WAC: variants seen among roughly 807,000 people sequenced by gnomAD.
WAC encodes the protein WW domain-containing adapter protein with coiled-coil.
In WAC, 11 loss-of-function variants were observed where a neutral mutation model predicts 79.6. The ratio of observed to expected loss-of-function variants is 0.14; its 90% CI spans 0.09 to 0.23. The LOEUF (loss-of-function observed/expected upper bound fraction) is 0.23. WAC is among the 10% of genes least tolerant of loss of function. The pLI is 1.00. For missense variants in WAC, 728 were observed against 773.5 expected (o/e 0.94, Z 0.70); for synonymous variants, 304 against 276.9 (o/e 1.10, Z -0.97).
In WAC at chr10:28,581,276, G is replaced by A. The variant is rs1223789038; in HGVS notation, c.275-2123G>A. The stretch of plus-strand genomic sequence containing the variant: ...TTTTTTTTTTTTTTTTTTTTAAGAC[G>A]GGTTCTCATTATATCACCCAGGCTG... On this transcript the variant is annotated intron_variant, in intron 3 of 13. Transcript: ENST00000354911. 2.7e-5 allele frequency among the ~76,000 whole-genome samples: 3 copies of A among 111,632 alleles called. 1 individual carries two copies. Among genetic ancestry groups the A allele is most frequent in the East Asian group, 2.7e-4 (1 of 3,768 alleles). The allele number at this position is 111,632 out of a possible 152,430, so 73.2% of individuals were successfully genotyped here. A position where few individuals can be genotyped will look rare whatever the true frequency, so the allele number is the denominator to read the frequency against.
intron 3 of WAC, among the ~76,000 whole-genome samples, chr10:28,570,413 C>T (rs532204701): frequency 6.6e-6 from 1 of 152,294 alleles, no homozygotes; most frequent in South Asian, 2.1e-4. Flanking sequence ...CTCCAGCCTT[C>T]GGCAGCTCAT....
chr10:28,541,652 A>G (rs920750613), intron 3 of WAC, among the ~76,000 whole-genome samples: 1 of 152,004 alleles, frequency 6.6e-6, no homozygotes, highest in African/African-American at 2.4e-5. Context: ...ACTCCACAGT[A>G]GCTCTTTGAA....
At chr10:28,604,859 A>AG (rs1200117228) in intron 7 of WAC, among the ~76,000 whole-genome samples, 1 of 152,212 alleles carries the variant, frequency 6.6e-6, no homozygotes, top group Non-Finnish European at 1.5e-5. Context: ...ACCAAAGGGG[A>AG]GGGGCACCCA....
rs920770166 is a variant in WAC at position 28,622,500 on chromosome 10, CAA to C, written c.*2895_*2896del. The C allele has an allele frequency of 5.2e-4, 69 of 133,570 alleles. No homozygotes were observed. The highest frequency in any genetic ancestry group is 1.8e-3 in the African/African-American group (63 of 34,950). 8.3% of individuals were successfully genotyped at this position (133,570 alleles called of 1,614,324 possible). A position where few individuals can be genotyped will look rare whatever the true frequency, so the allele number is the denominator to read the frequency against. ...CTTTTAAAATGTCGTGGTATTGTAA[CAA>C]TATATTTGATGAAAGAAGGTTACAG... On this transcript the variant is annotated 3_prime_UTR_variant, in exon 14 of 14. Transcript: ENST00000354911.
chr10:28,544,757 T>A (rs1837257768), intron 3 of WAC, among the ~76,000 whole-genome samples: 7 of 151,824 alleles, frequency 4.6e-5, no homozygotes, highest in Admixed American at 4.6e-4. Flanking sequence ...TGGGGATAGA[T>A]GTAAGGGTTA....
intron 3 of WAC, 95 bp downstream of exon 3, chr10:28,535,852 G>T: frequency 9.8e-7 from 1 of 1,025,384 alleles, no homozygotes; most frequent in Non-Finnish European, 1.4e-6. Context: ...AGAAGTTACT[G>T]TTCAGTTATG....
intron 7 of WAC, 128 bp from the exon 8 acceptor site, chr10:28,608,058 C>A: frequency 1.0e-6 from 1 of 965,092 alleles, no homozygotes; most frequent in Middle Eastern, 2.2e-4. Flanking sequence ...CTTCTGTGTG[C>A]TCCAGTGTGT....
intron 3 of WAC, among the ~76,000 whole-genome samples, chr10:28,548,619 TATTTTTTA>T (rs1250990847): frequency 6.6e-6 from 1 of 152,220 alleles, no homozygotes; most frequent in Non-Finnish European, 1.5e-5. Flanking sequence ...GAATTTGGGT[TATTTTTTA>T]GTTTTTTTCA....
rs541576313 is a variant in WAC at position 28,591,014 on chromosome 10, G to A, written c.610+182G>A. Reference sequence around the variant, plus strand: ...GTCCCTGAAAAGGGAAAAGATACACGGTCGAGTAGTACAGGTATGTGTTTC... The same window carrying A: ...GTCCCTGAAAAGGGAAAAGATACACAGTCGAGTAGTACAGGTATGTGTTTC... On this transcript the variant is annotated intron_variant, in intron 6 of 13. Transcript: ENST00000354911. 56 of 576,242 alleles carry A rather than the reference G, an allele frequency of 9.7e-5. No individual in the cohort carries two copies. The African/African-American group carries it at 1.0e-3, about 10-fold the overall frequency. 35.7% of individuals were successfully genotyped at this position (576,242 alleles called of 1,614,324 possible).
chr10:28,613,956 C>G (rs1841360944), intron 10 of WAC, among the ~76,000 whole-genome samples: 2 of 152,204 alleles, frequency 1.3e-5, no homozygotes, highest in South Asian at 4.1e-4. Context: ...ATAGCCCAAT[C>G]ACATATTTCT....
At chr10:28,559,136 A>ATGTGTGTGTGTGTG (rs111740298) in intron 3 of WAC, among the ~76,000 whole-genome samples, 20,206 of 146,524 alleles carry the variant, frequency 0.14, 1,482 homozygotes, top group Middle Eastern at 0.17. Flanking sequence ...GAGAAACCTG[A>ATGTGTGTGTGTGTG]TGTGTGTGTG....
chr10:28,594,906 T>G (rs1840275129), intron 6 of WAC, among the ~76,000 whole-genome samples: 1 of 152,198 alleles, frequency 6.6e-6, no homozygotes, highest in Admixed American at 6.5e-5. Context: ...TTTTGTACTG[T>G]TTTGTGGAAT....
chr10:28,608,493 A>G (rs1224375224), intron 8 of WAC, 62 bp downstream of exon 8: 3 of 1,443,162 alleles, frequency 2.1e-6, no homozygotes. Flanking sequence ...TGTAAGTAGT[A>G]AAATCCCCAG....
At chr10:28,539,135 CGTTT>C (rs1477212032) in intron 3 of WAC, among the ~76,000 whole-genome samples, 1 of 151,954 alleles carries the variant, frequency 6.6e-6, no homozygotes, top group African/African-American at 2.4e-5. Context: ...GGAACTTGTG[CGTTT>C]GTTTACCTTA....
rs897698812 is a variant in WAC, at chr10:28,621,838, T to C, written c.*2232T>C. 4 of 152,234 alleles carry C rather than the reference T, an allele frequency of 2.6e-5. No individual in the cohort carries two copies. Among genetic ancestry groups the C allele is most frequent in the Non-Finnish European group, 5.9e-5 (4 of 68,040 alleles). 9.4% of individuals were successfully genotyped at this position (152,234 alleles called of 1,614,324 possible). Reference sequence around the variant, plus strand: ...CATCCCTAAATGAATTAGTCACATATATTTAGGAGAAGATGCCTAATTTGG... The same window carrying C: ...CATCCCTAAATGAATTAGTCACATACATTTAGGAGAAGATGCCTAATTTGG... On this transcript the variant is annotated 3_prime_UTR_variant, in exon 14 of 14. Coordinates refer to ENST00000354911, the MANE Select transcript of WAC (RefSeq NM_016628.5).
At chr10:28,610,979 A>T in intron 9 of WAC, 158 bp downstream of exon 9, 1 of 757,200 alleles carries the variant, frequency 1.3e-6, no homozygotes, top group Non-Finnish European at 2.0e-6. Flanking sequence ...ACTGGCATAT[A>T]CAGTAGTATT....
chr10:28,603,311 T>G (rs559813912), intron 7 of WAC, among the ~76,000 whole-genome samples: 1 of 152,344 alleles, frequency 6.6e-6, no homozygotes, highest in East Asian at 1.9e-4. Flanking sequence ...CTAGGCTTCA[T>G]GTGGCCCGTG....
intron 3 of WAC, among the ~76,000 whole-genome samples, chr10:28,552,870 T>G (rs9417626): frequency 1.3e-5 from 1 of 79,616 alleles, no homozygotes; most frequent in East Asian, 4.7e-4. Context: ...TTTTTTTTTG[T>G]CTTCTTGGGT....
intron 3 of WAC, among the ~76,000 whole-genome samples, chr10:28,575,566 C>G (rs1224224417): frequency 6.6e-6 from 1 of 152,190 alleles, no homozygotes; most frequent in Non-Finnish European, 1.5e-5. Context: ...GTTTGATTTG[C>G]ATTTCCCCAA....
Sources: allele counts gnomAD v4.1 joint callset (sites outside exome capture counted in the v4.1 genomes callset), GRCh38; gene constraint gnomAD v4.1.1; transcripts MANE v1.5; gene names NCBI Gene and HGNC (gene_info 2026-07-23, HGNC 2026-07-21).